The following RIT2 variants were observed in gnomAD, a reference collection of about 807,000 sequenced individuals.
RIT2 encodes Ras like without CAAX 2.
In RIT2, 24 loss-of-function variants were observed where a neutral mutation model predicts 23.7. The ratio of observed to expected loss-of-function variants is 1.01; its 90% CI spans 0.73 to 1.43. The LOEUF (loss-of-function observed/expected upper bound fraction) is 1.43, where lower values mean the gene tolerates loss of function less well. RIT2 is among the 40% of genes most tolerant of loss of function. The pLI, the probability that RIT2 is intolerant of heterozygous loss-of-function variation, is 0.00. For synonymous variants in RIT2, 107 were observed against 91.1 expected (o/e 1.17, Z -0.99); for missense variants, 236 against 266.9 (o/e 0.88, Z 0.81).
chr18:42,945,790 C>T (rs779490483), intron 3 of RIT2, among the ~76,000 whole-genome samples: 2 of 151,876 alleles, frequency 1.3e-5, no homozygotes, highest in African/African-American at 4.8e-5. Flanking sequence ...GTGCAAGCAA[C>T]GCATATCAAA....
chr18:42,789,249 T>C (rs979130250), intron 4 of RIT2, among the ~76,000 whole-genome samples: 4 of 152,204 alleles, frequency 2.6e-5, no homozygotes, highest in African/African-American at 9.6e-5. Flanking sequence ...AGTTGTATTA[T>C]AAAAATGGTG....
intron 2 of RIT2, among the ~76,000 whole-genome samples, chr18:43,005,890 G>T (rs1568053638): frequency 6.6e-6 from 1 of 151,754 alleles, no homozygotes; most frequent in Non-Finnish European, 1.5e-5. Context: ...AATAGTAGCT[G>T]CAACTGAGGG....
chr18:43,058,753 G>A (rs1031498243), intron 1 of RIT2, among the ~76,000 whole-genome samples: 10 of 152,028 alleles, frequency 6.6e-5, no homozygotes, highest in Non-Finnish European at 1.3e-4. Context: ...CCCAGGCATG[G>A]TGGTATACAC....
At chr18:42,867,495 G>A (rs1432567236) in intron 4 of RIT2, among the ~76,000 whole-genome samples, 2 of 151,878 alleles carry the variant, frequency 1.3e-5, no homozygotes, top group Non-Finnish European at 2.9e-5. Context: ...AGGTGATTGG[G>A]GAAAAAAATG....
intron 4 of RIT2, among the ~76,000 whole-genome samples, chr18:42,898,338 G>A (rs1908386494): frequency 6.6e-6 from 1 of 152,104 alleles, no homozygotes; most frequent in South Asian, 2.1e-4. Context: ...AGGTTGCAGT[G>A]AGCTGAGATT....
At chr18:42,770,168 T>C (rs1186464760) in intron 4 of RIT2, among the ~76,000 whole-genome samples, 1 of 152,096 alleles carries the variant, frequency 6.6e-6, no homozygotes, top group Non-Finnish European at 1.5e-5. Context: ...GGATCTCCAA[T>C]GTTCCAAATC....
intron 4 of RIT2, among the ~76,000 whole-genome samples, chr18:42,780,086 G>A (rs538836548): frequency 9.8e-6 from 1 of 101,628 alleles, no homozygotes; most frequent in Non-Finnish European, 1.9e-5. Flanking sequence ...CCAAGGTTAG[G>A]GATCATGGCC....
intron 4 of RIT2, among the ~76,000 whole-genome samples, chr18:42,830,266 C>T (rs1052126807): frequency 6.6e-6 from 1 of 152,310 alleles, no homozygotes; most frequent in Non-Finnish European, 1.5e-5. Context: ...GGTGCAGTTT[C>T]TGGGTTACAA....
intron 4 of RIT2, among the ~76,000 whole-genome samples, chr18:42,901,227 G>A (rs1028474043): frequency 6.6e-6 from 1 of 152,028 alleles, no homozygotes; most frequent in Non-Finnish European, 1.5e-5. Flanking sequence ...GTAAGAAAAT[G>A]GGAAGGATGC....
chr18:42,947,535 T>C (rs535689384), intron 3 of RIT2, among the ~76,000 whole-genome samples: 2 of 152,212 alleles, frequency 1.3e-5, no homozygotes, highest in Non-Finnish European at 2.9e-5. Context: ...TTGCAGGGCA[T>C]ATTAGAGGGA....
chr18:42,983,566 A>G (rs1440177963), intron 2 of RIT2, among the ~76,000 whole-genome samples: 1 of 152,124 alleles, frequency 6.6e-6, no homozygotes, highest in Non-Finnish European at 1.5e-5. Flanking sequence ...GGAAAAGACC[A>G]GCTAGAACAG....
At chr18:42,850,788 G>A (rs1344736484) in intron 4 of RIT2, among the ~76,000 whole-genome samples, 1 of 152,114 alleles carries the variant, frequency 6.6e-6, no homozygotes, top group Non-Finnish European at 1.5e-5. Context: ...AGTGTTGGCT[G>A]CAAGTCCTAC....
intron 2 of RIT2, among the ~76,000 whole-genome samples, chr18:42,988,860 G>A (rs1427873656): frequency 6.6e-6 from 1 of 152,174 alleles, no homozygotes; most frequent in Non-Finnish European, 1.5e-5. Flanking sequence ...GCTGCAAGAG[G>A]TGGATGGGCT....
intron 1 of RIT2, among the ~76,000 whole-genome samples, chr18:43,062,690 C>G (rs1040763252): frequency 6.6e-6 from 1 of 152,036 alleles, no homozygotes. Context: ...TAGAACAGAG[C>G]TGGGAAAAGT....
At chr18:42,830,232 A>G (rs1329833720) in intron 4 of RIT2, among the ~76,000 whole-genome samples, 1 of 152,206 alleles carries the variant, frequency 6.6e-6, no homozygotes, top group Non-Finnish European at 1.5e-5. Flanking sequence ...TGGTAAGGAC[A>G]TGTGTTTTTA....
intron 1 of RIT2, among the ~76,000 whole-genome samples, chr18:43,073,007 C>T (rs1011693229): frequency 6.6e-6 from 1 of 152,268 alleles, no homozygotes. Context: ...TATGTTTCAA[C>T]GGATCCCATG....
At position 42,975,374 on chromosome 18, in the gene RIT2, C is replaced by A. The variant is rs754269074; in HGVS notation, c.161-1227G>T. 2.6e-5 allele frequency among the ~76,000 whole-genome samples: 4 copies of A among 152,030 alleles called. No homozygotes were observed. The South Asian group carries it at 8.3e-4, about 31-fold the overall frequency. On this transcript the variant is annotated intron_variant, in intron 2 of 4. Coordinates refer to ENST00000326695, the MANE Select transcript of RIT2 (RefSeq NM_002930.4). ...ACTTGTATCCCAGGGATGAGGCCTA[C>A]TTGATCATGATGGATTAGCTTTTTG... is the stretch of plus-strand genomic sequence containing the variant.
rs1051130854 is a variant in RIT2, at chr18:42,974,217, A to G, written c.161-70T>C. Reference sequence around the variant, plus strand: ...GGCATTATTAATTTTTAGATTTCATATAGAAGAATTTCTAAGTAAGTTACT... The same window carrying G: ...GGCATTATTAATTTTTAGATTTCATGTAGAAGAATTTCTAAGTAAGTTACT... On this transcript the variant is annotated intron_variant, in intron 2 of 4. Transcript: ENST00000326695. 6.1e-5 allele frequency: 63 copies of G among 1,027,414 alleles called. No homozygotes were observed. In the East Asian group the frequency reaches 9.3e-4, roughly 15 times the overall value. 63.6% of individuals were successfully genotyped at this position (1,027,414 alleles called of 1,614,324 possible). A position where few individuals can be genotyped will look rare whatever the true frequency, so the allele number is the denominator to read the frequency against.
chr18:42,793,696 G>A (rs967792622), intron 4 of RIT2, among the ~76,000 whole-genome samples: 1 of 151,906 alleles, frequency 6.6e-6, no homozygotes, highest in Admixed American at 6.6e-5. Context: ...AGAACCCAAA[G>A]GGAAAAAAGA....
Sources: allele counts gnomAD v4.1 joint callset (sites outside exome capture counted in the v4.1 genomes callset), GRCh38; gene constraint gnomAD v4.1.1; transcripts MANE v1.5; gene names NCBI Gene and HGNC (gene_info 2026-07-23, HGNC 2026-07-21).